Variants in NPR3 observed in about 807,000 individuals in gnomAD.
NPR3 encodes the protein natriuretic peptide receptor 3, also known as atrial natriuretic peptide receptor 3.
Under a neutral mutation model 54.5 loss-of-function variants are expected in NPR3, and 34 were observed. The ratio of observed to expected loss-of-function variants is 0.62; its 90% CI spans 0.47 to 0.83. NPR3 has a LOEUF of 0.83. Among genes scored for constraint, NPR3 ranks in the 40% least tolerant of loss-of-function variants. The pLI, the probability that NPR3 is intolerant of heterozygous loss-of-function variation, is 0.00. For missense variants in NPR3, 674 were observed against 720.8 expected (o/e 0.94, Z 0.74); for synonymous variants, 289 against 297.1 (o/e 0.97, Z 0.28).
intron 7 of NPR3, among the ~76,000 whole-genome samples, chr5:32,785,093 C>T (rs139647938): frequency 1.7e-3 from 253 of 149,116 alleles, no homozygotes; most frequent in African/African-American, 6.0e-3. Context: ...GTTTTGACTA[C>T]ATCTCACAGT....
chr5:32,770,008 T>A (rs750977509), intron 3 of NPR3, among the ~76,000 whole-genome samples: 17 of 152,164 alleles, frequency 1.1e-4, no homozygotes, highest in Non-Finnish European at 1.6e-4. Flanking sequence ...TCTATTCAGC[T>A]CTCCCCATGA....
At chr5:32,776,951 C>T (rs1742083870) in intron 4 of NPR3, among the ~76,000 whole-genome samples, 1 of 152,118 alleles carries the variant, frequency 6.6e-6, no homozygotes, top group Non-Finnish European at 1.5e-5. Context: ...GAGGGAAGCT[C>T]TGTAGATGTT....
chr5:32,745,317 G>A (rs1238594653), intron 3 of NPR3, among the ~76,000 whole-genome samples: 3 of 152,160 alleles, frequency 2.0e-5, no homozygotes, highest in Admixed American at 1.3e-4. Flanking sequence ...GGGGCTCTAG[G>A]TATGGCTCAG....
intron 1 of NPR3, among the ~76,000 whole-genome samples, chr5:32,722,593 G>A (rs1041625310): frequency 2.0e-5 from 3 of 152,130 alleles, no homozygotes; most frequent in Non-Finnish European, 4.4e-5. Context: ...ATGATCACTT[G>A]ATCGAAAAAT....
At chr5:32,714,810 G>A (rs1035970834) in intron 1 of NPR3, among the ~76,000 whole-genome samples, 2 of 152,162 alleles carry the variant, frequency 1.3e-5, no homozygotes, top group African/African-American at 4.8e-5. Flanking sequence ...TTTACCGTAA[G>A]CACTTAATGT....
chr5:32,771,945 T>C (rs1741782465), intron 3 of NPR3, among the ~76,000 whole-genome samples: 1 of 151,528 alleles, frequency 6.6e-6, no homozygotes, highest in Admixed American at 6.6e-5. Flanking sequence ...AAAGAGAAGA[T>C]AGACCTCAAA....
In NPR3 at chr5:32,774,860, T is replaced by C. The variant is rs758465747; in HGVS notation, c.1195+17T>C. On this transcript the variant is annotated intron_variant, in intron 4 of 7. Coordinates refer to ENST00000265074, the MANE Select transcript of NPR3 (RefSeq NM_001204375.2). ...CATTTGAAGGTGGGGATTCCATCTA[T>C]AAGGCAATTACATGGGGCCAAATGA... The C allele has an allele frequency of 1.6e-5, 26 of 1,599,452 alleles. No individual in the cohort carries two copies. The highest frequency in any genetic ancestry group is 3.3e-4 in the Middle Eastern group (2 of 6,038).
intron 1 of NPR3, among the ~76,000 whole-genome samples, chr5:32,692,737 C>A (rs1475435986): frequency 6.6e-6 from 1 of 152,160 alleles, no homozygotes. Context: ...TCCTCATTAC[C>A]TTAAATTTCT....
upstream of NPR3, among the ~76,000 whole-genome samples, chr5:32,704,883 C>G (rs760146125): frequency 1.2e-4 from 18 of 151,956 alleles, no homozygotes; most frequent in Non-Finnish European, 2.2e-4. Context: ...AAGAAGGCAG[C>G]GTACAACTAA....
At chr5:32,760,766 A>G (rs979193926) in intron 3 of NPR3, among the ~76,000 whole-genome samples, 13 of 151,104 alleles carry the variant, frequency 8.6e-5, no homozygotes, top group African/African-American at 3.2e-4. Flanking sequence ...AGTCACAAAG[A>G]TATTTTCTGG....
At chr5:32,726,201 G>C (rs1358588543) in intron 2 of NPR3, among the ~76,000 whole-genome samples, 1 of 152,132 alleles carries the variant, frequency 6.6e-6, no homozygotes, top group Non-Finnish European at 1.5e-5. Flanking sequence ...GATATAGTTG[G>C]ACAGGATCTA....
At chr5:32,759,168 T>G (rs1469748715) in intron 3 of NPR3, among the ~76,000 whole-genome samples, 3 of 152,320 alleles carry the variant, frequency 2.0e-5, no homozygotes, top group African/African-American at 4.8e-5. Flanking sequence ...TTGTTAACTT[T>G]CTGTCTCGTT....
chr5:32,694,379 T>G (rs1022646690), intron 1 of NPR3, among the ~76,000 whole-genome samples: 1 of 152,230 alleles, frequency 6.6e-6, no homozygotes, highest in African/African-American at 2.4e-5. Context: ...CATAAGCATT[T>G]ATTGAACACT....
At chr5:32,750,913 A>T (rs1740542978) in intron 3 of NPR3, among the ~76,000 whole-genome samples, 3 of 152,224 alleles carry the variant, frequency 2.0e-5, no homozygotes. Flanking sequence ...AGGTAACAAC[A>T]AAAAGGGTGG....
At chr5:32,741,243 C>G (rs182565023) in intron 3 of NPR3, among the ~76,000 whole-genome samples, 77 of 152,034 alleles carry the variant, frequency 5.1e-4, no homozygotes, top group Non-Finnish European at 8.7e-4. Context: ...CATGGTAAAA[C>G]CTCATCTCTA....
At chr5:32,699,418 C>A (rs1199907531) in intron 1 of NPR3, among the ~76,000 whole-genome samples, 1 of 151,970 alleles carries the variant, frequency 6.6e-6, no homozygotes, top group Non-Finnish European at 1.5e-5. Flanking sequence ...AGGTTTTAAG[C>A]CCCGAATGCA....
upstream of NPR3, among the ~76,000 whole-genome samples, chr5:32,710,996 A>G (rs1268406489): frequency 6.6e-6 from 1 of 151,860 alleles, no homozygotes; most frequent in East Asian, 1.9e-4. Flanking sequence ...GAGCGTGGAA[A>G]GGGAGAGGCG....
intron 4 of NPR3, among the ~76,000 whole-genome samples, chr5:32,776,828 A>G (rs1742074420): frequency 6.6e-6 from 1 of 152,146 alleles, no homozygotes; most frequent in Non-Finnish European, 1.5e-5. Context: ...GAGCTATAAA[A>G]TAAGGTAGGA....
chr5:32,703,289 C>T (rs1737877907), intron 1 of NPR3, among the ~76,000 whole-genome samples: 1 of 152,052 alleles, frequency 6.6e-6, no homozygotes, highest in African/African-American at 2.4e-5. Context: ...TCTCCATTTC[C>T]AAGAGCCAAG....
Sources: gnomAD v4.1 joint callset for allele counts (sites outside exome capture counted in the v4.1 genomes callset) on GRCh38, gnomAD v4.1.1 for gene constraint, MANE v1.5 for transcripts, NCBI Gene and HGNC (gene_info 2026-07-23, HGNC 2026-07-21) for gene names.